The following HTR2C variants were observed in gnomAD, a reference collection of about 807,000 sequenced individuals.
HTR2C encodes the protein 5-hydroxytryptamine receptor 2C, also known as 5-hydroxytryptamine (serotonin) receptor 2C, G protein-coupled.
A neutral mutation model predicts 21.0 loss-of-function variants in HTR2C; 5 were observed. The observed-to-expected ratio is 0.24, with a 90% CI of 0.12 to 0.50. The LOEUF (loss-of-function observed/expected upper bound fraction) is 0.50. HTR2C is among the 20% of genes least tolerant of loss of function. The pLI, the probability that HTR2C is intolerant of heterozygous loss-of-function variation, is 0.98. For synonymous variants in HTR2C, 150 were observed against 145.3 expected (o/e 1.03, Z -0.23); for missense variants, 271 against 371.2 (o/e 0.73, Z 2.22).
intron 4 of HTR2C, among the ~76,000 whole-genome samples, chrX:114,799,454 C>G (rs1189931944): frequency 1.9e-5 from 2 of 107,634 alleles, no homozygotes; most frequent in Admixed American, 1.0e-4. Flanking sequence ...AAAGGTCACT[C>G]GAAATCCCTC....
At chrX:114,644,716 G>A (rs1930296703) in intron 2 of HTR2C, among the ~76,000 whole-genome samples, 1 of 109,415 alleles carries the variant, frequency 9.1e-6, no homozygotes, top group Admixed American at 9.9e-5. Context: ...AGTACTGCTA[G>A]AGGCAATTAT....
intron 3 of HTR2C, among the ~76,000 whole-genome samples, chrX:114,729,494 A>T (rs782271295): frequency 8.9e-6 from 1 of 112,001 alleles, no homozygotes; most frequent in Non-Finnish European, 1.9e-5. Flanking sequence ...GAGTAATCAA[A>T]GCTGAGAGCG....
intron 5 of HTR2C, among the ~76,000 whole-genome samples, chrX:114,864,625 C>T (rs5946213): frequency 9.0e-6 from 1 of 111,297 alleles, no homozygotes; most frequent in Admixed American, 9.6e-5. Flanking sequence ...TTACCTCTAC[C>T]AGTGAGTTTT....
rs35516021 is a variant in HTR2C at position 114,686,695 on chromosome X, AT to A, written c.-79-40156del. ...TATATTTATATATTTTATTTAAAAA[AT>A]TTTTTTAAATAACATTTAAAAACAG... On this transcript the variant is annotated intron_variant, in intron 2 of 5. Transcript: ENST00000276198. 5.3e-3 allele frequency among the ~76,000 whole-genome samples: 583 copies of A among 110,795 alleles called. 3 individuals carry two copies. The highest frequency in any genetic ancestry group is 6.8e-3 in the African/African-American group (210 of 30,704).
At position 114,807,147 on chromosome X, in the gene HTR2C, TATACACCATATATATACCCC is replaced by T. The variant is rs2070472038; in HGVS notation, c.350-40852_350-40833del. ...ATATATACACCATATATATACCATA[TATACACCATATATATACCCC>T]ATATATACACCATGTATATATACAC... is the stretch of plus-strand genomic sequence containing the variant. On this transcript the variant is annotated intron_variant, in intron 4 of 5. Coordinates refer to ENST00000276198, the MANE Select transcript of HTR2C (RefSeq NM_000868.4). Among the ~76,000 whole-genome samples, 3 of 38,263 alleles carry T rather than the reference TATACACCATATATATACCCC, an allele frequency of 7.8e-5. 1 individual carries two copies. The highest frequency in any genetic ancestry group is 1.3e-4 in the Non-Finnish European group (3 of 22,831). The allele number at this position is 38,263 out of a possible 115,157, so 33.2% of individuals were successfully genotyped here.
intron 1 of HTR2C, among the ~76,000 whole-genome samples, chrX:114,585,240 G>A (rs1927341621): frequency 9.0e-6 from 1 of 111,083 alleles, no homozygotes; most frequent in Admixed American, 9.6e-5. Flanking sequence ...GCGAACATCC[G>A]TAACTCTGGG....
At chrX:114,746,195 G>A (rs1022047652) in intron 4 of HTR2C, among the ~76,000 whole-genome samples, 126 of 110,670 alleles carry the variant, frequency 1.1e-3, no homozygotes, top group African/African-American at 3.7e-3. Context: ...GTACATTTCG[G>A]GAAGAAAAAA....
intron 2 of HTR2C, among the ~76,000 whole-genome samples, chrX:114,640,514 A>G (rs951674250): frequency 8.9e-6 from 1 of 112,189 alleles, no homozygotes; most frequent in Non-Finnish European, 1.9e-5. Context: ...TAAGACTCAA[A>G]TCTCATAGTA....
chrX:114,771,056 C>A (rs985355190), intron 4 of HTR2C, among the ~76,000 whole-genome samples: 1 of 111,291 alleles, frequency 9.0e-6, no homozygotes, highest in Non-Finnish European at 1.9e-5. Flanking sequence ...CCCACATTGG[C>A]CTCCCAAAGT....
intron 5 of HTR2C, among the ~76,000 whole-genome samples, chrX:114,848,935 T>A (rs1556468450): frequency 9.0e-6 from 1 of 111,667 alleles, no homozygotes; most frequent in Admixed American, 9.6e-5. Flanking sequence ...GTTTTTTTCC[T>A]TTTCCAGTTG....
chrX:114,631,064 G>T (rs113269974), intron 2 of HTR2C: 257 of 188,243 alleles, frequency 1.4e-3, no homozygotes, highest in African/African-American at 6.8e-3. Flanking sequence ...CCAGCACTTT[G>T]GGAGGCCGAG....
intron 4 of HTR2C, among the ~76,000 whole-genome samples, chrX:114,741,544 AAAAAAT>A (rs1556425323): frequency 2.2e-5 from 2 of 89,404 alleles, no homozygotes; most frequent in Non-Finnish European, 2.2e-5. Flanking sequence ...AAAAAAAAAA[AAAAAAT>A]ATGAGATTGG....
intron 5 of HTR2C, among the ~76,000 whole-genome samples, chrX:114,858,580 T>G (rs782589117): frequency 8.9e-6 from 1 of 111,974 alleles, no homozygotes; most frequent in South Asian, 3.7e-4. Context: ...TTCTTGGAGT[T>G]TGTTAAAAGA....
chrX:114,785,509 T>G (rs1556441880), intron 4 of HTR2C, among the ~76,000 whole-genome samples: 1 of 111,952 alleles, frequency 8.9e-6, no homozygotes, highest in Non-Finnish European at 1.9e-5. Flanking sequence ...TTTACAGCTT[T>G]AACAGATTAG....
rs1385871852 is a variant in HTR2C at position 114,907,623 on chromosome X, T to C, written c.*208T>C. 1 of 311,010 alleles carries C rather than the reference T, an allele frequency of 3.2e-6. No individual in the cohort carries two copies. Among genetic ancestry groups the C allele is most frequent in the African/African-American group, 2.7e-5 (1 of 36,965 alleles). 25.6% of individuals were successfully genotyped at this position (311,010 alleles called of 1,213,427 possible). ...TTTACTGTTTATAATAGGTGGAGAC[T>C]AACTTATTTTGATTGTTTGATGAAT... On this transcript the variant is annotated 3_prime_UTR_variant, in exon 6 of 6. Transcript: ENST00000276198.
intron 4 of HTR2C, among the ~76,000 whole-genome samples, chrX:114,806,505 C>CTGTA (rs1556449813): frequency 2.3e-5 from 2 of 87,276 alleles, no homozygotes; most frequent in Admixed American, 1.4e-4. Context: ...TATATATACA[C>CTGTA]CATATATACA....
intron 2 of HTR2C, among the ~76,000 whole-genome samples, chrX:114,662,032 C>T (rs1207848132): frequency 2.7e-5 from 3 of 111,638 alleles, no homozygotes; most frequent in African/African-American, 9.8e-5. Flanking sequence ...TTTCATTCTA[C>T]GTTGATTGCT....
At chrX:114,734,558 T>C (rs2069569206) in intron 4 of HTR2C, among the ~76,000 whole-genome samples, 1 of 32,008 alleles carries the variant, frequency 3.1e-5, no homozygotes, top group African/African-American at 1.6e-4. Context: ...TAGACTGCCT[T>C]ACATGTAAAA....
intron 5 of HTR2C, among the ~76,000 whole-genome samples, chrX:114,896,600 C>T (rs1178062326): frequency 1.8e-5 from 2 of 112,276 alleles, no homozygotes; most frequent in Non-Finnish European, 3.8e-5. Context: ...TACCCACTTT[C>T]ATCTCTGCTA....
Sources: allele counts gnomAD v4.1 joint callset (sites outside exome capture counted in the v4.1 genomes callset), GRCh38; gene constraint gnomAD v4.1.1; transcripts MANE v1.5; gene names NCBI Gene and HGNC (gene_info 2026-07-23, HGNC 2026-07-21).